Variants in IL1RAPL1 observed in about 807,000 individuals in gnomAD.
IL1RAPL1 encodes interleukin-1 receptor accessory protein-like 1.
Under a neutral mutation model 48.4 loss-of-function variants are expected in IL1RAPL1, and 3 were observed. That is an observed-to-expected ratio of 0.06 (90% confidence interval 0.03 to 0.16). The LOEUF is 0.16. Among genes scored for constraint, IL1RAPL1 ranks in the 10% least tolerant of loss-of-function variants. The pLI is 1.00. For missense variants in IL1RAPL1, 349 were observed against 530.6 expected (o/e 0.66, Z 3.36); for synonymous variants, 185 against 187.7 (o/e 0.99, Z 0.12).
chrX:28,793,350 C>G (rs1029083002), intron 2 of IL1RAPL1, among the ~76,000 whole-genome samples: 6 of 109,829 alleles, frequency 5.5e-5, no homozygotes, highest in Non-Finnish European at 9.5e-5. Context: ...TTCATTCCTT[C>G]CTCCCTTCTT....
intron 2 of IL1RAPL1, among the ~76,000 whole-genome samples, chrX:28,825,254 T>G (rs1936981002): frequency 8.9e-6 from 1 of 111,755 alleles, no homozygotes; most frequent in South Asian, 3.7e-4. Context: ...GAAGTTGTCA[T>G]GAAAAGGCAT....
intron 2 of IL1RAPL1, among the ~76,000 whole-genome samples, chrX:28,850,908 A>T: frequency 9.9e-6 from 1 of 100,710 alleles, no homozygotes; most frequent in East Asian, 3.1e-4. Flanking sequence ...CCTAGCATTC[A>T]CTTCTTTTCA....
At chrX:28,848,703 C>A (rs1427182993) in intron 2 of IL1RAPL1, among the ~76,000 whole-genome samples, 2 of 111,203 alleles carry the variant, frequency 1.8e-5, no homozygotes, top group Admixed American at 1.9e-4. Context: ...AATTAGGGAC[C>A]ACTGCTGGGT....
chrX:28,792,319 A>G (rs959565059), intron 2 of IL1RAPL1, among the ~76,000 whole-genome samples: 2 of 111,483 alleles, frequency 1.8e-5, no homozygotes, highest in South Asian at 7.5e-4. Flanking sequence ...TTAATTTTGT[A>G]GAGTGTTTAC....
At chrX:28,961,027 A>AAG (rs1471283663) in intron 2 of IL1RAPL1, among the ~76,000 whole-genome samples, 1 of 108,403 alleles carries the variant, frequency 9.2e-6, no homozygotes. Context: ...AAAAAAAAAA[A>AAG]AAAAAAAAAG....
intron 2 of IL1RAPL1, among the ~76,000 whole-genome samples, chrX:28,810,555 C>A (rs1253604930): frequency 9.0e-6 from 1 of 110,600 alleles, no homozygotes; most frequent in Non-Finnish European, 1.9e-5. Context: ...AGGCAGAAGT[C>A]AAGGGAGCAA....
At chrX:29,802,977 A>ATATATGTG (rs1930024516) in intron 6 of IL1RAPL1, among the ~76,000 whole-genome samples, 2 of 75,762 alleles carry the variant, frequency 2.6e-5, no homozygotes, top group African/African-American at 1.1e-4. Flanking sequence ...ACATATATAC[A>ATATATGTG]TACATGTGTA....
At chrX:29,505,569 T>A (rs1430130148) in intron 5 of IL1RAPL1, among the ~76,000 whole-genome samples, 11 of 110,936 alleles carry the variant, frequency 9.9e-5, no homozygotes, top group African/African-American at 3.3e-4. Flanking sequence ...AAAAATGTCA[T>A]CCCACCCCTT....
At chrX:29,217,232 C>G (rs934868925) in intron 2 of IL1RAPL1, among the ~76,000 whole-genome samples, 1 of 112,164 alleles carries the variant, frequency 8.9e-6, no homozygotes, top group African/African-American at 3.2e-5. Flanking sequence ...TGATAAAATG[C>G]TAGTCTAGAC....
At chrX:28,775,473 C>T (rs1021533310) in intron 1 of IL1RAPL1, among the ~76,000 whole-genome samples, 1 of 111,966 alleles carries the variant, frequency 8.9e-6, no homozygotes, top group Non-Finnish European at 1.9e-5. Flanking sequence ...ATTTAGGGTA[C>T]ACCCTAATCT....
intron 5 of IL1RAPL1, among the ~76,000 whole-genome samples, chrX:29,632,047 T>C (rs758169115): frequency 1.8e-5 from 2 of 111,749 alleles, no homozygotes; most frequent in African/African-American, 3.3e-5. Flanking sequence ...ACTAATTATA[T>C]AGTTATATGA....
At chrX:29,743,229 T>A (rs753258730) in intron 6 of IL1RAPL1, among the ~76,000 whole-genome samples, 2 of 107,593 alleles carry the variant, frequency 1.9e-5, no homozygotes, top group African/African-American at 6.6e-5. Context: ...ATAATTAAAA[T>A]TTTTACATAT....
intron 3 of IL1RAPL1, among the ~76,000 whole-genome samples, chrX:29,345,276 T>A (rs1933136465): frequency 8.9e-6 from 1 of 111,760 alleles, no homozygotes; most frequent in African/African-American, 3.3e-5. Context: ...CAGTATCGAT[T>A]TATTTTCTCA....
intron 2 of IL1RAPL1, among the ~76,000 whole-genome samples, chrX:28,882,700 C>G (rs958838192): frequency 8.9e-6 from 1 of 111,927 alleles, no homozygotes; most frequent in Admixed American, 9.5e-5. Flanking sequence ...TAAATAAAAG[C>G]TGCAGGAATT....
At chrX:29,717,209 C>T (rs1199486385) in intron 6 of IL1RAPL1, among the ~76,000 whole-genome samples, 1 of 108,392 alleles carries the variant, frequency 9.2e-6, no homozygotes, top group Non-Finnish European at 1.9e-5. Context: ...AGATTACACA[C>T]ACACACACAC....
At position 29,776,025 on chromosome X, in the gene IL1RAPL1, C is replaced by A. The variant is rs143856019; in HGVS notation, c.778+107521C>A. ...TCTAAATCTCTTCTCCTACACTCAACCCTCAATTTAATTCAGGTCTGAGCC... is the reference window on the plus strand; with the variant it reads ...TCTAAATCTCTTCTCCTACACTCAAACCTCAATTTAATTCAGGTCTGAGCC... On this transcript the variant is annotated intron_variant, in intron 6 of 10. Transcript: ENST00000378993. Among the ~76,000 whole-genome samples the A allele has an allele frequency of 1.4e-3, 154 of 111,263 alleles. 1 individual carries two copies. The highest frequency in any genetic ancestry group is 4.8e-3 in the African/African-American group (147 of 30,656).
intron 5 of IL1RAPL1, among the ~76,000 whole-genome samples, chrX:29,645,385 A>G (rs763399751): frequency 4.5e-5 from 5 of 111,458 alleles, no homozygotes; most frequent in Non-Finnish European, 9.4e-5. Context: ...AAACAGTTTT[A>G]TTACCTCTGT....
chrX:28,934,106 A>G (rs1275254765), intron 2 of IL1RAPL1, among the ~76,000 whole-genome samples: 1 of 111,055 alleles, frequency 9.0e-6, no homozygotes, highest in African/African-American at 3.3e-5. Flanking sequence ...GTGACTAAGA[A>G]TGCCTGACCT....
chrX:29,197,363 G>C (rs1313051590), intron 2 of IL1RAPL1, among the ~76,000 whole-genome samples: 1 of 111,097 alleles, frequency 9.0e-6, no homozygotes, highest in African/African-American at 3.3e-5. Flanking sequence ...AGGCTCTCTG[G>C]GGGGAAAAAA....
Sources: gnomAD v4.1 joint callset for allele counts (sites outside exome capture counted in the v4.1 genomes callset) on GRCh38, gnomAD v4.1.1 for gene constraint, MANE v1.5 for transcripts, NCBI Gene and HGNC (gene_info 2026-07-23, HGNC 2026-07-21) for gene names.